RAB12: variants seen among roughly 807,000 people sequenced by gnomAD.
The protein encoded by RAB12 is ras-related protein Rab-12.
Under a neutral mutation model 28.4 loss-of-function variants are expected in RAB12, and 11 were observed. The observed-to-expected ratio is 0.39, with a 90% CI of 0.24 to 0.64. The LOEUF (loss-of-function observed/expected upper bound fraction) is 0.64, where lower values mean the gene tolerates loss of function less well. RAB12 is among the 30% of genes least tolerant of loss of function. RAB12 has a pLI of 0.50. For missense variants in RAB12, 276 were observed against 351.1 expected (o/e 0.79, Z 1.71); for synonymous variants, 138 against 145.3 (o/e 0.95, Z 0.36).
At chr18:8,614,356 A>G (rs932614725) in intron 1 of RAB12, among the ~76,000 whole-genome samples, 5 of 152,248 alleles carry the variant, frequency 3.3e-5, no homozygotes, top group African/African-American at 9.6e-5. Context: ...AGCCTTTTAC[A>G]TACCAAAATA....
intron 2 of RAB12, among the ~76,000 whole-genome samples, chr18:8,626,192 A>T (rs7227048): frequency 1.1e-3 from 165 of 152,380 alleles, no homozygotes; most frequent in African/African-American, 3.6e-3. Flanking sequence ...AGTCCCGCAG[A>T]CTTTTTGTGC....
At chr18:8,618,581 C>T (rs1200556038) in intron 1 of RAB12, among the ~76,000 whole-genome samples, 5 of 151,728 alleles carry the variant, frequency 3.3e-5, no homozygotes, top group African/African-American at 9.7e-5. Context: ...GCGATATTGG[C>T]TCACTGCAAG....
rs373002607 is a variant in RAB12, at chr18:8,633,165, C to A, written c.576-24C>A. 25 of 1,613,528 alleles carry A rather than the reference C, an allele frequency of 1.5e-5. 1 individual carries two copies. In the Middle Eastern group the frequency reaches 4.9e-4, roughly 32 times the overall value. ...GCTCACTTTGGGCATTATTTGGGAA[C>A]TGACTTTGGCTGCTTTTTCTTAGGG... On this transcript the variant is annotated intron_variant, in intron 2 of 5. Coordinates refer to ENST00000649141, the MANE Select transcript of RAB12 (RefSeq NM_001025300.3).
At chr18:8,631,915 T>C (rs2096016200) in intron 2 of RAB12, among the ~76,000 whole-genome samples, 1 of 152,180 alleles carries the variant, frequency 6.6e-6, no homozygotes, top group Non-Finnish European at 1.5e-5. Flanking sequence ...ATTAAAAGTT[T>C]TACTCTGTAA....
chr18:8,635,421 A>G (rs1399093123), intron 3 of RAB12, 112 bp from the exon 4 acceptor site: 12 of 774,264 alleles, frequency 1.5e-5, no homozygotes, highest in Non-Finnish European at 1.9e-5. Flanking sequence ...AAGACAGTGG[A>G]AGTGAATGGA....
At chr18:8,616,137 G>C (rs538069697) in intron 1 of RAB12, among the ~76,000 whole-genome samples, 1 of 152,180 alleles carries the variant, frequency 6.6e-6, no homozygotes, top group South Asian at 2.1e-4. Flanking sequence ...ATTTATATAA[G>C]ACACCATCCT....
At chr18:8,636,631 G>C (rs951489971) in intron 5 of RAB12, among the ~76,000 whole-genome samples, 2 of 152,166 alleles carry the variant, frequency 1.3e-5, no homozygotes, top group African/African-American at 4.8e-5. Flanking sequence ...GTAGCAATAT[G>C]CTGTGTTTAT....
intron 5 of RAB12, among the ~76,000 whole-genome samples, chr18:8,636,668 C>T (rs777304230): frequency 1.6e-4 from 24 of 152,162 alleles, no homozygotes; most frequent in Non-Finnish European, 2.6e-4. Context: ...TTCCCACCCC[C>T]GTTTTTCTGT....
At chr18:8,618,364 GAGTTGAT>G (rs1215340288) in intron 1 of RAB12, among the ~76,000 whole-genome samples, 49 of 152,202 alleles carry the variant, frequency 3.2e-4, no homozygotes, top group Non-Finnish European at 4.1e-4. Flanking sequence ...ACCTGCTTCT[GAGTTGAT>G]CAAAATATTT....
chr18:8,616,379 T>TAAAAAAAAAAAAAAAAAA (rs373829340), intron 1 of RAB12, among the ~76,000 whole-genome samples: 1 of 121,466 alleles, frequency 8.2e-6, no homozygotes, highest in Non-Finnish European at 1.8e-5. Flanking sequence ...GTGTGATTGT[T>TAAAAAAAAAAAAAAAAAA]AAAAAAAAAA....
chr18:8,611,119 A>G (rs889126402), intron 1 of RAB12, among the ~76,000 whole-genome samples: 2 of 152,156 alleles, frequency 1.3e-5, no homozygotes, highest in African/African-American at 4.8e-5. Context: ...CATTTTGGAA[A>G]TATTTGTGAT....
chr18:8,633,452 A>G, intron 3 of RAB12, 125 bp downstream of exon 3: 1 of 1,065,110 alleles, frequency 9.4e-7, no homozygotes, highest in Non-Finnish European at 1.4e-6. Context: ...CATTTAGCCC[A>G]TATATAGCCT....
At chr18:8,610,148 C>T (rs1467756129) in intron 1 of RAB12, 195 bp downstream of exon 1, 2 of 504,748 alleles carry the variant, frequency 4.0e-6, no homozygotes, top group Non-Finnish European at 7.1e-6. Context: ...GTGCCGCCTC[C>T]GGGCAGACCT....
intron 1 of RAB12, among the ~76,000 whole-genome samples, chr18:8,617,226 C>T (rs1196908853): frequency 6.6e-6 from 1 of 152,134 alleles, no homozygotes; most frequent in Admixed American, 6.5e-5. Context: ...CCTAATTTAT[C>T]CTGTAGATCC....
At chr18:8,635,824 C>A in intron 4 of RAB12, 1 of 504,626 alleles carries the variant, frequency 2.0e-6, no homozygotes. Context: ...GAAAAAAACA[C>A]ATCAGTGTAT....
chr18:8,632,835 A>T, intron 2 of RAB12: 1 of 229,370 alleles, frequency 4.4e-6, no homozygotes, highest in African/African-American at 2.4e-5. Context: ...CTTTTCCCCC[A>T]TTTTATTTTA....
chr18:8,633,126 T>G, intron 2 of RAB12, 63 bp from the exon 3 acceptor site: 1 of 1,594,768 alleles, frequency 6.3e-7, no homozygotes. Flanking sequence ...ATGTTTGCAT[T>G]GGAATGTGAT....
At chr18:8,621,828 C>T (rs896806008) in intron 1 of RAB12, among the ~76,000 whole-genome samples, 1 of 152,148 alleles carries the variant, frequency 6.6e-6, no homozygotes, top group African/African-American at 2.4e-5. Flanking sequence ...TCTGAGTACT[C>T]AATGCTAAAA....
chr18:8,636,723 G>A (rs773609783), intron 5 of RAB12, among the ~76,000 whole-genome samples: 7 of 152,158 alleles, frequency 4.6e-5, no homozygotes, highest in Non-Finnish European at 7.3e-5. Context: ...GTGTCTTAGC[G>A]GAAAAGAGAG....
Sources: allele counts gnomAD v4.1 joint callset (sites outside exome capture counted in the v4.1 genomes callset), GRCh38; gene constraint gnomAD v4.1.1; transcripts MANE v1.5; gene names NCBI Gene and HGNC (gene_info 2026-07-23, HGNC 2026-07-21).